The following CTNNA2 variants were observed in gnomAD, a reference collection of about 807,000 sequenced individuals.
CTNNA2 encodes the protein catenin alpha-2.
In CTNNA2, 42 loss-of-function variants were observed where a neutral mutation model predicts 101.0. The ratio of observed to expected loss-of-function variants is 0.42; its 90% CI spans 0.32 to 0.54. The LOEUF is 0.54. Ranked by LOEUF, CTNNA2 falls within the 20% of genes least tolerant of loss-of-function variation. The pLI is 0.14. For synonymous variants in CTNNA2, 450 were observed against 456.4 expected (o/e 0.99, Z 0.18); for missense variants, 871 against 1,223.1 (o/e 0.71, Z 4.29).
chr2:80,158,986 T>C (rs1704144919), intron 7 of CTNNA2, among the ~76,000 whole-genome samples: 1 of 152,158 alleles, frequency 6.6e-6, no homozygotes, highest in Non-Finnish European at 1.5e-5. Flanking sequence ...ATTCCTTACT[T>C]ATCATTATTC....
chr2:80,604,822 C>G (rs1429509830), intron 16 of CTNNA2, among the ~76,000 whole-genome samples: 2 of 151,712 alleles, frequency 1.3e-5, no homozygotes, highest in Non-Finnish European at 2.9e-5. Context: ...GCGGACTCTA[C>G]CAGGAGTAGA....
upstream of CTNNA2, among the ~76,000 whole-genome samples, chr2:79,511,842 G>A (rs1229432760): frequency 6.6e-6 from 1 of 152,136 alleles, no homozygotes; most frequent in Non-Finnish European, 1.5e-5. Flanking sequence ...AAAAATGCAT[G>A]CACTAAGTGA....
At chr2:80,450,501 A>C (rs1397733535) in intron 9 of CTNNA2, among the ~76,000 whole-genome samples, 2 of 152,158 alleles carry the variant, frequency 1.3e-5, no homozygotes, top group Non-Finnish European at 2.9e-5. Flanking sequence ...AGGGAACAAA[A>C]GTGGATTTGT....
intron 2 of CTNNA2, among the ~76,000 whole-genome samples, chr2:79,224,681 C>G (rs1213699743): frequency 6.6e-6 from 1 of 151,970 alleles, no homozygotes; most frequent in African/African-American, 2.4e-5. Flanking sequence ...CAAGCCAAAT[C>G]CTTGTCAAGA....
chr2:79,628,096 G>C (rs1679436833), intron 1 of CTNNA2, among the ~76,000 whole-genome samples: 1 of 152,042 alleles, frequency 6.6e-6, no homozygotes, highest in Non-Finnish European at 1.5e-5. Flanking sequence ...GAAATTAGTT[G>C]GTATTTTGAC....
chr2:80,558,216 T>C (rs1693216726), intron 12 of CTNNA2, among the ~76,000 whole-genome samples: 1 of 152,166 alleles, frequency 6.6e-6, no homozygotes, highest in African/African-American at 2.4e-5. Context: ...TACAATTTCT[T>C]TGGTATTTGT....
intron 4 of CTNNA2, among the ~76,000 whole-genome samples, chr2:79,471,610 A>C (rs946790137): frequency 6.6e-6 from 1 of 152,144 alleles, no homozygotes; most frequent in African/African-American, 2.4e-5. Context: ...AGGCTGAGGC[A>C]GGTGGATCAC....
chr2:79,426,354 T>G (rs543762140), intron 4 of CTNNA2, among the ~76,000 whole-genome samples: 2 of 152,144 alleles, frequency 1.3e-5, no homozygotes, highest in Non-Finnish European at 2.9e-5. Flanking sequence ...CAAAGAGAGA[T>G]GTTCAAAATA....
intron 7 of CTNNA2, among the ~76,000 whole-genome samples, chr2:80,339,758 A>G (rs1359212821): frequency 1.3e-5 from 2 of 152,202 alleles, no homozygotes; most frequent in African/African-American, 4.8e-5. Context: ...TAAGAAACAA[A>G]CCATTTATTA....
chr2:80,444,191 T>C (rs1682864296), intron 9 of CTNNA2, among the ~76,000 whole-genome samples: 1 of 152,218 alleles, frequency 6.6e-6, no homozygotes. Context: ...CATCCAATCT[T>C]CTAGTAAAAC....
At chr2:79,495,082 G>T (rs1184381929) in intron 4 of CTNNA2, among the ~76,000 whole-genome samples, 2 of 151,984 alleles carry the variant, frequency 1.3e-5, no homozygotes, top group Non-Finnish European at 2.9e-5. Flanking sequence ...CAGCCTGGGC[G>T]ACAGAGCAAA....
chr2:80,541,923 C>G (rs1016010440), intron 9 of CTNNA2, among the ~76,000 whole-genome samples: 5 of 88,352 alleles, frequency 5.7e-5, no homozygotes, highest in African/African-American at 1.8e-4. Flanking sequence ...CTAAGCATAT[C>G]CCAAAGTAAA....
At chr2:80,500,349 C>A (rs550284803) in intron 9 of CTNNA2, among the ~76,000 whole-genome samples, 70 of 152,282 alleles carry the variant, frequency 4.6e-4, no homozygotes, top group African/African-American at 1.6e-3. Context: ...TTCATTCATT[C>A]ATTTACCCAT....
intron 7 of CTNNA2, among the ~76,000 whole-genome samples, chr2:80,021,437 G>C (rs1304904259): frequency 1.3e-5 from 2 of 152,146 alleles, no homozygotes; most frequent in Non-Finnish European, 2.9e-5. Flanking sequence ...TGGTAGGATT[G>C]TAAGTGGTGT....
chr2:79,426,045 T>C (rs937173321), intron 4 of CTNNA2, among the ~76,000 whole-genome samples: 5 of 152,240 alleles, frequency 3.3e-5, no homozygotes, highest in African/African-American at 9.6e-5. Context: ...CTTAACTACA[T>C]AGTAAAACTA....
intron 2 of CTNNA2, among the ~76,000 whole-genome samples, chr2:79,209,157 G>T (rs545984920): frequency 8.5e-4 from 130 of 152,100 alleles, no homozygotes; most frequent in African/African-American, 3.0e-3. Flanking sequence ...CTCTACAAAT[G>T]AAACACAGAA....
chr2:79,962,790 G>A (rs1169318525), intron 7 of CTNNA2, among the ~76,000 whole-genome samples: 2 of 152,156 alleles, frequency 1.3e-5, no homozygotes, highest in African/African-American at 4.8e-5. Flanking sequence ...ACACAAAATT[G>A]GCCGGGCGCG....
chr2:79,941,626 T>C (rs1436063756), intron 7 of CTNNA2, among the ~76,000 whole-genome samples: 1 of 152,164 alleles, frequency 6.6e-6, no homozygotes, highest in African/African-American at 2.4e-5. Flanking sequence ...ACTTATTTTT[T>C]CTTTTTTCCT....
chr2:79,594,559 A>G (rs1342857791), intron 1 of CTNNA2, among the ~76,000 whole-genome samples: 3 of 152,144 alleles, frequency 2.0e-5, no homozygotes, highest in African/African-American at 7.2e-5. Context: ...TGCCTATTTT[A>G]TTATTGAACA....
Sources: gnomAD v4.1 joint callset for allele counts (sites outside exome capture counted in the v4.1 genomes callset) on GRCh38, gnomAD v4.1.1 for gene constraint, MANE v1.5 for transcripts, NCBI Gene and HGNC (gene_info 2026-07-23, HGNC 2026-07-21) for gene names.